ADAMTSL1: variants seen among roughly 807,000 people sequenced by gnomAD.
The protein encoded by ADAMTSL1 is ADAMTS-like protein 1.
A neutral mutation model predicts 201.8 loss-of-function variants in ADAMTSL1; 126 were observed. The ratio of observed to expected loss-of-function variants is 0.62; its 90% CI spans 0.54 to 0.72. The LOEUF (loss-of-function observed/expected upper bound fraction) is 0.72. Among genes scored for constraint, ADAMTSL1 ranks in the 30% least tolerant of loss-of-function variants. The pLI, the probability that ADAMTSL1 is intolerant of heterozygous loss-of-function variation, is 0.00. For synonymous variants in ADAMTSL1, 1,121 were observed against 903.4 expected, an observed-to-expected ratio of 1.24 and a Z score of -4.32; for missense variants, 2,679 against 2,277.8, an observed-to-expected ratio of 1.18 and a Z score of -3.59.
intron 19 of ADAMTSL1, among the ~76,000 whole-genome samples, chr9:18,779,634 C>T (rs1385376765): frequency 6.6e-6 from 1 of 152,200 alleles, no homozygotes; most frequent in Non-Finnish European, 1.5e-5. Context: ...ACAACTCATA[C>T]TTTCCTTAAT....
intron 26 of ADAMTSL1, among the ~76,000 whole-genome samples, chr9:18,893,966 C>T (rs536256380): frequency 6.6e-6 from 1 of 152,288 alleles, no homozygotes; most frequent in African/African-American, 2.4e-5. Flanking sequence ...GGACACCTGT[C>T]TTGGGAGGGG....
chr9:17,907,751 G>C (rs1306691721), intron 1 of ADAMTSL1, among the ~76,000 whole-genome samples: 1 of 152,160 alleles, frequency 6.6e-6, no homozygotes, highest in Non-Finnish European at 1.5e-5. Context: ...GTCCAGGGTC[G>C]AGTCAAACTC....
At chr9:18,335,479 C>T (rs189647038) in intron 2 of ADAMTSL1, among the ~76,000 whole-genome samples, 5 of 152,146 alleles carry the variant, frequency 3.3e-5, no homozygotes, top group Admixed American at 6.5e-5. Context: ...AATGGGGCTG[C>T]CACAGGTGGT....
intron 1 of ADAMTSL1, among the ~76,000 whole-genome samples, chr9:18,040,489 C>T (rs1038167346): frequency 5.9e-5 from 9 of 152,082 alleles, no homozygotes; most frequent in African/African-American, 2.2e-4. Flanking sequence ...CATGCTGGGC[C>T]GGTAGGAATC....
At chr9:17,986,608 G>A (rs1412409217) in intron 1 of ADAMTSL1, among the ~76,000 whole-genome samples, 2 of 152,026 alleles carry the variant, frequency 1.3e-5, no homozygotes, top group Non-Finnish European at 2.9e-5. Context: ...TTTTAAAAAG[G>A]ATAGGCAAGG....
intron 2 of ADAMTSL1, among the ~76,000 whole-genome samples, chr9:18,284,255 A>AT (rs1202782221): frequency 2.0e-5 from 3 of 152,076 alleles, no homozygotes; most frequent in African/African-American, 7.2e-5. Flanking sequence ...AAAAAGAATT[A>AT]AAAAAACATT....
chr9:18,886,458 A>G lies in ADAMTSL1; in HGVS notation c.4250-1373A>G, dbSNP rs188498902. 1.4e-3 allele frequency among the ~76,000 whole-genome samples: 216 copies of G among 152,240 alleles called. 2 individuals carry two copies. Among genetic ancestry groups the G allele is most frequent in the African/African-American group, 4.8e-3 (201 of 41,554 alleles). On this transcript the variant is annotated intron_variant, in intron 23 of 28. Transcript: ENST00000380548. ...AGGCACCCACACATCCACAGAGGGTAGCCGCCTGTCTTAGTCCAGTCAGGC... is the reference window on the plus strand; with the variant it reads ...AGGCACCCACACATCCACAGAGGGTGGCCGCCTGTCTTAGTCCAGTCAGGC...
At chr9:17,974,568 C>T (rs1818361885) in intron 1 of ADAMTSL1, among the ~76,000 whole-genome samples, 1 of 151,990 alleles carries the variant, frequency 6.6e-6, no homozygotes, top group African/African-American at 2.4e-5. Context: ...CTCTCTGCCT[C>T]TATGAGTTTG....
intron 15 of ADAMTSL1, among the ~76,000 whole-genome samples, chr9:18,748,634 A>G (rs569277694): frequency 3.2e-4 from 49 of 152,284 alleles, no homozygotes; most frequent in African/African-American, 1.2e-3. Context: ...AGAGGACATA[A>G]CTAAGATGTC....
In ADAMTSL1 at chr9:18,856,253, G is replaced by A. The variant is rs142835151; in HGVS notation, c.4249+26276G>A. Among the ~76,000 whole-genome samples, 1,295 of 152,184 alleles carry A rather than the reference G, an allele frequency of 8.5e-3. 20 individuals are homozygous for A. Among genetic ancestry groups the A allele is most frequent in the African/African-American group, 0.029 (1,195 of 41,538 alleles). On this transcript the variant is annotated intron_variant, in intron 23 of 28. Coordinates refer to ENST00000380548, the MANE Select transcript of ADAMTSL1 (RefSeq NM_001040272.6). ...TGAAGGAAAACAATGCTTTTGTTAA[G>A]CAATCATTACTTTTTTTCAGGATCT...
intron 1 of ADAMTSL1, among the ~76,000 whole-genome samples, chr9:18,108,411 G>C (rs1209508295): frequency 6.6e-6 from 1 of 151,850 alleles, no homozygotes; most frequent in Non-Finnish European, 1.5e-5. Context: ...TATTGCACAG[G>C]CTGGTCTTGA....
At chr9:18,794,429 C>CA (rs933684065) in intron 19 of ADAMTSL1, among the ~76,000 whole-genome samples, 12 of 147,032 alleles carry the variant, frequency 8.2e-5, no homozygotes, top group Admixed American at 6.8e-5. Context: ...AAAACAAAAA[C>CA]AAAAAAAAAC....
At position 17,911,615 on chromosome 9, in the gene ADAMTSL1, T is replaced by C. The variant is rs186219567; in HGVS notation, c.87+4693T>C. On this transcript the variant is annotated intron_variant, in intron 1 of 29. Transcript: ENST00000680146. ...AGGAATTCAGTAATAAAATAAATAC[T>C]TCCTGGTTGGCTGGAAAGAATTGCG... Among the ~76,000 whole-genome samples, 127 of 69,040 alleles carry C rather than the reference T, an allele frequency of 1.8e-3. 57 individuals are homozygous for C. The highest frequency in any genetic ancestry group is 5.2e-3 in the South Asian group (5 of 962). 45.3% of individuals were successfully genotyped at this position (69,040 alleles called of 152,430 possible).
intron 3 of ADAMTSL1, among the ~76,000 whole-genome samples, chr9:18,540,981 T>A (rs1820097816): frequency 6.6e-6 from 1 of 152,264 alleles, no homozygotes; most frequent in South Asian, 2.1e-4. Context: ...CCCAGACCCA[T>A]CCATGCTTCA....
intron 2 of ADAMTSL1, among the ~76,000 whole-genome samples, chr9:18,382,751 C>T (rs1336310341): frequency 1.3e-5 from 2 of 152,072 alleles, no homozygotes; most frequent in Non-Finnish European, 2.9e-5. Flanking sequence ...GGTTTTCTTG[C>T]AATTACCCCT....
intron 2 of ADAMTSL1, among the ~76,000 whole-genome samples, chr9:18,250,146 A>G (rs1425827839): frequency 1.3e-5 from 2 of 152,188 alleles, no homozygotes; most frequent in Non-Finnish European, 2.9e-5. Flanking sequence ...TTCTCATTCT[A>G]TTTTAAGTAC....
intron 2 of ADAMTSL1, among the ~76,000 whole-genome samples, chr9:18,405,405 G>T (rs775655568): frequency 4.6e-5 from 7 of 152,190 alleles, no homozygotes; most frequent in Non-Finnish European, 8.8e-5. Context: ...ACACAGAAAG[G>T]TCAGGCAGCA....
chr9:18,216,402 T>G (rs548334076), intron 2 of ADAMTSL1, among the ~76,000 whole-genome samples: 3 of 152,198 alleles, frequency 2.0e-5, no homozygotes, highest in Non-Finnish European at 4.4e-5. Flanking sequence ...TCAGGCAGCT[T>G]TCACCACAAT....
At position 18,876,301 on chromosome 9, in the gene ADAMTSL1, C is replaced by CGTGTGTGTGTGTGTGTGTGTGTGT. The variant is rs59150507; in HGVS notation, c.4250-11524_4250-11501dup. Among the ~76,000 whole-genome samples, 234 of 139,712 alleles carry CGTGTGTGTGTGTGTGTGTGTGTGT rather than the reference C, an allele frequency of 1.7e-3. 2 individuals carry two copies. The highest frequency in any genetic ancestry group is 9.3e-3 in the East Asian group (44 of 4,708). The allele number at this position is 139,712 out of a possible 152,430, so 91.7% of individuals were successfully genotyped here. A position where few individuals can be genotyped will look rare whatever the true frequency, so the allele number is the denominator to read the frequency against. ...TATTGTGCTAGTTGTTGCCTGAATA[C>CGTGTGTGTGTGTGTGTGTGTGTGT]GTGTGTGTGTGTGTGTGTGTGTGTG... is the stretch of plus-strand genomic sequence containing the variant. On this transcript the variant is annotated intron_variant, in intron 23 of 28. Transcript: ENST00000380548.
Sources: allele counts gnomAD v4.1 joint callset (sites outside exome capture counted in the v4.1 genomes callset), GRCh38; gene constraint gnomAD v4.1.1; transcripts MANE v1.5; gene names NCBI Gene and HGNC (gene_info 2026-07-23, HGNC 2026-07-21).